The following TSHZ1 variants were observed in gnomAD, a reference collection of about 807,000 sequenced individuals.
TSHZ1 encodes the protein teashirt zinc finger homeobox 1.
A neutral mutation model predicts 67.1 loss-of-function variants in TSHZ1; 12 were observed. The observed-to-expected ratio is 0.18, with a 90% CI of 0.11 to 0.29. The LOEUF (loss-of-function observed/expected upper bound fraction) is 0.29, where lower values mean the gene tolerates loss of function less well. Among genes scored for constraint, TSHZ1 ranks in the 10% least tolerant of loss-of-function variants. The pLI, the probability that TSHZ1 is intolerant of heterozygous loss-of-function variation, is 1.00. For synonymous variants in TSHZ1, 632 were observed against 622.4 expected (o/e 1.02, Z -0.23); for missense variants, 1,305 against 1,413.9 (o/e 0.92, Z 1.23).
At position 75,286,812 on chromosome 18, in the gene TSHZ1, C is replaced by A; in HGVS notation, c.1405C>A (p.Pro469Thr). ...PVVEEKIQSI[P>T]LPPTTHTRLP... ...GGTGGAAGAGAAGATCCAGTCCATCCCACTACCGCCCACCACCCACACGCG... is the reference window on the plus strand; with the variant it reads ...GGTGGAAGAGAAGATCCAGTCCATCACACTACCGCCCACCACCCACACGCG... Residue 469 changes from proline to threonine, a missense_variant, in exon 2 of 2, where the codon CCA becomes ACA. Around this residue, in one of 3 missense-constraint regions of TSHZ1, gnomAD observed 909 missense variants for 961.8 expected, o/e 0.95. Transcript: ENST00000580243. The surrounding 1 kb of genome is among the most constrained non-coding windows in gnomAD (Gnocchi z 5.1). The A allele has an allele frequency of 1.2e-6, 2 of 1,613,862 alleles. No individual in the cohort carries two copies. The highest frequency in any genetic ancestry group is 1.7e-4 in the Middle Eastern group (1 of 6,056).
At chr18:75,266,195 C>T (rs4468715) in intron 1 of TSHZ1, among the ~76,000 whole-genome samples, 1 of 152,206 alleles carries the variant, frequency 6.6e-6, no homozygotes, top group African/African-American at 2.4e-5. Flanking sequence ...CAGCCCGGTG[C>T]TAGGGCCTCA....
At chr18:75,254,760 C>T (rs543729989) in intron 1 of TSHZ1, among the ~76,000 whole-genome samples, 85 of 152,178 alleles carry the variant, frequency 5.6e-4, no homozygotes, top group Non-Finnish European at 6.5e-4. Flanking sequence ...TTTGCCCTTT[C>T]TGGTTATCAC....
intron 1 of TSHZ1, among the ~76,000 whole-genome samples, chr18:75,212,473 G>T (rs1473042303): frequency 6.6e-6 from 1 of 152,074 alleles, no homozygotes; most frequent in African/African-American, 2.4e-5. Flanking sequence ...TGATAGTGCA[G>T]ACTCTGATTG....
chr18:75,274,713 G>GTC (rs966994562), intron 1 of TSHZ1, among the ~76,000 whole-genome samples: 4 of 152,158 alleles, frequency 2.6e-5, no homozygotes, highest in Non-Finnish European at 4.4e-5. Context: ...TTGTCTGTCT[G>GTC]TCTCTCTCTC....
At chr18:75,251,517 T>C (rs1485958407) in intron 1 of TSHZ1, among the ~76,000 whole-genome samples, 2 of 151,294 alleles carry the variant, frequency 1.3e-5, no homozygotes, top group Non-Finnish European at 2.9e-5. Context: ...TTGACATTGC[T>C]TGGTCAAGCT....
chr18:75,226,765 G>A (rs769313028), intron 1 of TSHZ1, among the ~76,000 whole-genome samples: 3 of 152,058 alleles, frequency 2.0e-5, no homozygotes, highest in Non-Finnish European at 4.4e-5. Context: ...GGGCCAGGCC[G>A]GGCCTTGGGA....
intron 1 of TSHZ1, among the ~76,000 whole-genome samples, chr18:75,238,411 TA>T (rs2023109032): frequency 1.3e-5 from 2 of 152,152 alleles, no homozygotes; most frequent in African/African-American, 2.4e-5. Context: ...CTAAGATGAC[TA>T]AGAATTGGCA....
intron 1 of TSHZ1, among the ~76,000 whole-genome samples, chr18:75,259,950 G>A (rs1035918140): frequency 3.3e-5 from 5 of 152,136 alleles, no homozygotes; most frequent in Non-Finnish European, 7.3e-5. Flanking sequence ...GATAGATAAC[G>A]GCAACTTCCA....
rs748773143 is a variant in TSHZ1, at chr18:75,286,241, G to A, written c.834G>A (p.Lys278=). ...ACTACCGTGACGACAACAGGGACAA[G>A]GACTCCGAGAAGACCAAGAGGTGGT... ...TGHYRDDNRD[K]DSEKTKRWSK... The change falls in exon 2 of 2, where the codon AAG becomes AAA. Residue 278 remains lysine (K), a synonymous_variant. Coordinates refer to ENST00000580243, the MANE Select transcript of TSHZ1 (RefSeq NM_001308210.2). This position sits in a 1 kb window ranked among gnomAD's most constrained non-coding sequence, Gnocchi z 5.1. 2 of 1,614,044 alleles carry A rather than the reference G, an allele frequency of 1.2e-6. No individual in the cohort carries two copies. Among genetic ancestry groups the A allele is most frequent in the South Asian group, 2.2e-5 (2 of 91,070 alleles).
intron 1 of TSHZ1, among the ~76,000 whole-genome samples, chr18:75,277,022 C>G (rs2023621281): frequency 6.6e-6 from 1 of 152,238 alleles, no homozygotes; most frequent in Admixed American, 6.5e-5. Context: ...GCATTTCTGC[C>G]TGGTGTGGGT....
In TSHZ1 at chr18:75,288,253, A is replaced by T; in HGVS notation, c.2846A>T (p.Tyr949Phe). ...AGCCACTGGCTGGCCAATGTGAAGT[A>T]CCAGTTGAGGAGGACAGGGGGAACG... ...TISHWLANVK[Y>F]QLRRTGGTKF... Residue 949 changes from tyrosine to phenylalanine, a missense_variant, in exon 2 of 2, where the codon TAC (tyrosine) becomes TTC (phenylalanine). Around this residue, in one of 3 missense-constraint regions of TSHZ1, gnomAD observed 909 missense variants for 961.8 expected, o/e 0.95. Coordinates refer to ENST00000580243, the MANE Select transcript of TSHZ1 (RefSeq NM_001308210.2). This position sits in a 1 kb window ranked among gnomAD's most constrained non-coding sequence, Gnocchi z 4.9. The T allele has an allele frequency of 6.2e-7, 1 of 1,614,222 alleles. No individual in the cohort carries two copies. Among genetic ancestry groups the T allele is most frequent in the Non-Finnish European group, 8.5e-7 (1 of 1,180,054 alleles).
chr18:75,286,857 A>G lies in TSHZ1; in HGVS notation c.1450A>G (p.Lys484Glu). The stretch of plus-strand genomic sequence containing the variant: ...CACGCGGCTGCCGGCCTCCAGCATC[A>G]AAAAGCAGCCCGACTCTCCCGCGGG... ...THTRLPASSI[K>E]KQPDSPAGST... The change falls in exon 2 of 2, where the codon AAA becomes GAA. Residue 484 changes from lysine (K) to glutamate (E), a missense_variant. This residue lies in a region of TSHZ1 where 909 missense variants were observed against 961.8 expected (regional missense o/e 0.95). Coordinates refer to ENST00000580243, the MANE Select transcript of TSHZ1 (RefSeq NM_001308210.2). The surrounding 1 kb of genome is among the most constrained non-coding windows in gnomAD (Gnocchi z 5.1). 6.2e-7 allele frequency: 1 copy of G among 1,614,122 alleles called. No homozygotes were observed. The highest frequency in any genetic ancestry group is 8.5e-7 in the Non-Finnish European group (1 of 1,180,018).
chr18:75,251,860 G>A (rs916440462), intron 1 of TSHZ1, among the ~76,000 whole-genome samples: 2 of 152,108 alleles, frequency 1.3e-5, no homozygotes, highest in African/African-American at 2.4e-5. Context: ...TTAACTCATC[G>A]CTTTAGCATC....
chr18:75,223,318 A>T (rs2022874065), intron 1 of TSHZ1, among the ~76,000 whole-genome samples: 2 of 152,156 alleles, frequency 1.3e-5, no homozygotes, highest in African/African-American at 4.8e-5. Flanking sequence ...TATAGGGAAG[A>T]TTTTTTTAGT....
At position 75,273,810 on chromosome 18, in the gene TSHZ1, T is replaced by G. The variant is rs56989142; in HGVS notation, c.41-11638T>G. Among the ~76,000 whole-genome samples the G allele has an allele frequency of 6.6e-3, 1,000 of 152,318 alleles. 10 individuals are homozygous for G. Among genetic ancestry groups the G allele is most frequent in the African/African-American group, 0.021 (887 of 41,558 alleles). On this transcript the variant is annotated intron_variant, in intron 1 of 1. Transcript: ENST00000580243. Reference sequence around the variant, plus strand: ...TTTATGACAACAAATATTAACAAGATTTAATTAAAGAATGAAGTCTAACCA... The same window carrying G: ...TTTATGACAACAAATATTAACAAGAGTTAATTAAAGAATGAAGTCTAACCA...
chr18:75,265,513 C>T (rs2023479830), intron 1 of TSHZ1, among the ~76,000 whole-genome samples: 1 of 152,146 alleles, frequency 6.6e-6, no homozygotes, highest in Non-Finnish European at 1.5e-5. Flanking sequence ...TAAATGACGT[C>T]GTAGGTCGTA....
Position 75,287,735 on chromosome 18 carries a change from G to C in TSHZ1, c.2328G>C (p.Lys776Asn). ...TGGACCCGCTGGCGATGCTGTACAA[G>C]ATCAGCAACAGCATGCTGGACAAGC... ...PSLDPLAMLY[K>N]ISNSMLDKPV... is the part of the protein sequence containing the mutation. The change falls in exon 2 of 2, where the codon AAG becomes AAC. Residue 776 changes from lysine (K) to asparagine (N), a missense_variant. This residue lies in a region of TSHZ1 where 909 missense variants were observed against 961.8 expected (regional missense o/e 0.95). Transcript: ENST00000580243. This position sits in a 1 kb window ranked among gnomAD's most constrained non-coding sequence, Gnocchi z 5.0. 6.2e-7 allele frequency: 1 copy of C among 1,614,138 alleles called. No homozygotes were observed.
rs111721098 is a variant in TSHZ1 at position 75,229,709 on chromosome 18, G to A, written c.40+17793G>A. ...GTGCTGGCGATAGTAGGTGAAAGAA[G>A]AAAGCAGGAAGCTGTTTTTGGTTTC... On this transcript the variant is annotated intron_variant, in intron 1 of 1. Transcript: ENST00000580243. Among the ~76,000 whole-genome samples, 1,377 of 152,356 alleles carry A rather than the reference G, an allele frequency of 9.0e-3. 20 individuals are homozygous for A. The highest frequency in any genetic ancestry group is 0.032 in the African/African-American group (1,316 of 41,582).
chr18:75,278,418 A>G (rs868416498), intron 1 of TSHZ1, among the ~76,000 whole-genome samples: 2 of 152,094 alleles, frequency 1.3e-5, no homozygotes, highest in Admixed American at 6.6e-5. Flanking sequence ...AATTTCTCCT[A>G]TCTCAGGCTT....
Sources: gnomAD v4.1 joint callset for allele counts (sites outside exome capture counted in the v4.1 genomes callset) on GRCh38, gnomAD v4.1.1 for gene constraint, gnomAD v4.1.1 regional missense constraint, Gnocchi (gnomAD v3.1) non-coding constraint, MANE v1.5 for transcripts, NCBI Gene and HGNC (gene_info 2026-07-23, HGNC 2026-07-21) for gene names.